Variants in PCNX2 observed in about 807,000 individuals in gnomAD.
PCNX2 encodes the protein pecanex-like protein 2.
A neutral mutation model predicts 223.8 loss-of-function variants in PCNX2; 168 were observed. The ratio of observed to expected loss-of-function variants is 0.75; its 90% CI spans 0.66 to 0.85. The LOEUF is 0.85. PCNX2 is among the 40% of genes least tolerant of loss of function. PCNX2 has a pLI of 0.00. For synonymous variants in PCNX2, 1,006 were observed against 1,052.6 expected (o/e 0.96, Z 0.86); for missense variants, 2,507 against 2,675.5 (o/e 0.94, Z 1.39).
chr1:233,131,719 TCTCA>T (rs781406009), intron 21 of PCNX2, among the ~76,000 whole-genome samples: 2 of 152,050 alleles, frequency 1.3e-5, no homozygotes, highest in African/African-American at 4.8e-5. Flanking sequence ...CTTGCTTTTG[TCTCA>T]CTAATTTTTC....
the PCNX2 span, among the ~76,000 whole-genome samples, chr1:233,319,180 C>T: frequency 6.6e-6 from 1 of 150,488 alleles, no homozygotes; most frequent in Admixed American, 6.8e-5. Context: ...TGGATTAATG[C>T]CCACCATCTC....
intron 17 of PCNX2, among the ~76,000 whole-genome samples, chr1:233,176,653 C>T (rs1404726348): frequency 6.6e-6 from 1 of 152,204 alleles, no homozygotes; most frequent in African/African-American, 2.4e-5. Flanking sequence ...ATGTGACTAT[C>T]CTGGCAAACT....
At chr1:233,222,297 G>A (rs773487894) in intron 10 of PCNX2, among the ~76,000 whole-genome samples, 2 of 152,268 alleles carry the variant, frequency 1.3e-5, no homozygotes, top group South Asian at 2.1e-4. Context: ...GGGACTTGAG[G>A]GCATTGTGAG....
rs781024511 is a variant in PCNX2, at chr1:233,262,035, G to A, written c.480+10C>T. 3 of 1,613,368 alleles carry A rather than the reference G, an allele frequency of 1.9e-6. No individual in the cohort carries two copies. Among genetic ancestry groups the A allele is most frequent in the Non-Finnish European group, 2.5e-6 (3 of 1,179,580 alleles). On this transcript the variant is annotated intron_variant, in intron 3 of 33. Coordinates refer to ENST00000258229, the MANE Select transcript of PCNX2 (RefSeq NM_014801.4). ...ATGAAGAGGGTGAAACAGGAAAGAA[G>A]ACCACTAACCAATGGCCCAGAAGAG...
intron 23 of PCNX2, among the ~76,000 whole-genome samples, chr1:233,074,458 A>C (rs1210677755): frequency 6.6e-6 from 1 of 150,890 alleles, no homozygotes; most frequent in African/African-American, 2.4e-5. Flanking sequence ...AGCTGGGCGT[A>C]GTGGCGGGCG....
chr1:233,160,539 C>T (rs989804001), intron 18 of PCNX2, 106 bp from the exon 19 acceptor site: 34 of 1,253,416 alleles, frequency 2.7e-5, no homozygotes, highest in South Asian at 1.1e-4. Flanking sequence ...TTCCTCTTAA[C>T]GGATAGCCAG....
intron 23 of PCNX2, among the ~76,000 whole-genome samples, chr1:233,063,638 C>A (rs540502055): frequency 2.3e-4 from 35 of 152,260 alleles, no homozygotes; most frequent in African/African-American, 8.2e-4. Flanking sequence ...TTATTATGGT[C>A]ATGACTTAGA....
At position 233,210,568 on chromosome 1, in the gene PCNX2, T is replaced by A. The variant is rs998119513; in HGVS notation, c.2692-1879A>T. On this transcript the variant is annotated intron_variant, in intron 12 of 33. Coordinates refer to ENST00000258229, the MANE Select transcript of PCNX2 (RefSeq NM_014801.4). ...TGCTGGGATAACAGTTGTGAGCCAC[T>A]GTGCCTGGCCACTACTTCTGTTTGC... 8.1e-6 allele frequency: 8 copies of A among 984,890 alleles called. No individual in the cohort carries two copies. In the South Asian group the frequency reaches 3.8e-4, roughly 46 times the overall value. The allele number at this position is 984,890 out of a possible 1,614,324, so 61.0% of individuals were successfully genotyped here.
At chr1:233,218,246 CTT>C (rs372117818) in intron 10 of PCNX2, 62 bp from the exon 11 acceptor site, 14,917 of 488,330 alleles carry the variant, frequency 0.031, 1 homozygote, top group East Asian at 0.06. Flanking sequence ...TAAGTTTTGC[CTT>C]TTTTTTTTTT....
At chr1:233,093,945 C>T (rs990586730) in intron 22 of PCNX2, among the ~76,000 whole-genome samples, 7 of 152,164 alleles carry the variant, frequency 4.6e-5, no homozygotes, top group African/African-American at 7.2e-5. Context: ...TAAATCCTAA[C>T]GCTGTCTTTA....
intron 21 of PCNX2, among the ~76,000 whole-genome samples, chr1:233,120,092 G>A (rs1675682584): frequency 6.8e-6 from 1 of 147,088 alleles, no homozygotes; most frequent in Non-Finnish European, 1.5e-5. Flanking sequence ...TCTTGAACCC[G>A]GGAGGCAGAG....
chr1:233,134,300 T>C (rs544657222), intron 21 of PCNX2, among the ~76,000 whole-genome samples: 11 of 152,278 alleles, frequency 7.2e-5, no homozygotes, highest in African/African-American at 2.6e-4. Flanking sequence ...GTGATCAGGC[T>C]AGATATGGTC....
At chr1:232,992,138 CCT>C (rs1669724927) in intron 32 of PCNX2, among the ~76,000 whole-genome samples, 1 of 152,154 alleles carries the variant, frequency 6.6e-6, no homozygotes, top group Non-Finnish European at 1.5e-5. Context: ...TTCAATCTCC[CCT>C]GTCTTCTTCC....
chr1:233,067,365 C>CAAAAAAAAA lies in PCNX2; in HGVS notation c.4077-10084_4077-10076dup. Reference sequence around the variant, plus strand: ...AATAAATGAAAAAATAGAGCTTCAGCAAAAAAAAAAAAAAAAAAAAAAAAA... The same window carrying CAAAAAAAAA: ...AATAAATGAAAAAATAGAGCTTCAGCAAAAAAAAAAAAAAAAAAAAAAAAAAAAAAAAAA... On this transcript the variant is annotated intron_variant, in intron 23 of 33. Transcript: ENST00000258229. 3.1e-3 allele frequency among the ~76,000 whole-genome samples: 12 copies of CAAAAAAAAA among 3,886 alleles called. 2 individuals are homozygous for CAAAAAAAAA. Among genetic ancestry groups the CAAAAAAAAA allele is most frequent in the Non-Finnish European group, 5.3e-3 (9 of 1,684 alleles). The allele number at this position is 3,886 out of a possible 152,430, so 2.5% of individuals were successfully genotyped here.
At chr1:232,994,636 A>C (rs1669813345) in intron 32 of PCNX2, among the ~76,000 whole-genome samples, 1 of 152,176 alleles carries the variant, frequency 6.6e-6, no homozygotes, top group Non-Finnish European at 1.5e-5. Flanking sequence ...GACTAGGGGC[A>C]TAATAATATG....
At chr1:233,243,043 C>A (rs974555830) in intron 8 of PCNX2, among the ~76,000 whole-genome samples, 1 of 152,188 alleles carries the variant, frequency 6.6e-6, no homozygotes, top group Non-Finnish European at 1.5e-5. Flanking sequence ...TATTGTACAA[C>A]CGGAAAATGC....
chr1:233,285,308 C>T (rs1032371695), intron 1 of PCNX2, among the ~76,000 whole-genome samples: 10 of 150,948 alleles, frequency 6.6e-5, no homozygotes, highest in Non-Finnish European at 8.9e-5. Flanking sequence ...GTTACAATTA[C>T]GCCACTGTTC....
chr1:233,208,196 T>TG (rs1169684634), intron 13 of PCNX2, among the ~76,000 whole-genome samples: 1 of 152,150 alleles, frequency 6.6e-6, no homozygotes, highest in Non-Finnish European at 1.5e-5. Flanking sequence ...TGACCTCAGG[T>TG]GACCCACCGG....
At chr1:233,291,757 C>T (rs1054008902) in intron 1 of PCNX2, 79 of 977,966 alleles carry the variant, frequency 8.1e-5, no homozygotes, top group Non-Finnish European at 8.7e-5. Context: ...ATTATCATCT[C>T]AAAAGAATAA....
Sources: gnomAD v4.1 joint callset for allele counts (sites outside exome capture counted in the v4.1 genomes callset) on GRCh38, gnomAD v4.1.1 for gene constraint, MANE v1.5 for transcripts, NCBI Gene and HGNC (gene_info 2026-07-23, HGNC 2026-07-21) for gene names.